Variants in RASGEF1B observed in about 807,000 individuals in gnomAD.
RASGEF1B encodes the protein RasGEF domain family member 1B.
In RASGEF1B, 30 loss-of-function variants were observed where a neutral mutation model predicts 65.7. That is an observed-to-expected ratio of 0.46 (90% confidence interval 0.34 to 0.62). RASGEF1B has a LOEUF of 0.62. RASGEF1B is among the 20% of genes least tolerant of loss of function. The pLI, the probability that RASGEF1B is intolerant of heterozygous loss-of-function variation, is 0.01. For synonymous variants in RASGEF1B, 175 were observed against 194.8 expected, an observed-to-expected ratio of 0.90 and a Z score of 0.85; for missense variants, 495 against 580.1, an observed-to-expected ratio of 0.85 and a Z score of 1.51.
chr4:81,456,082 A>G (rs2109989195), intron 4 of RASGEF1B: 1 of 165,390 alleles, frequency 6.0e-6, no homozygotes, highest in South Asian at 1.9e-4. Context: ...CTTTTCTGAC[A>G]GTGAATATTA....
At chr4:81,442,410 A>C in intron 8 of RASGEF1B, 34 bp from the exon 9 acceptor site, 1 of 1,244,772 alleles carries the variant, frequency 8.0e-7, no homozygotes, top group Non-Finnish European at 1.2e-6. Flanking sequence ...AGAAAAAAGG[A>C]AAATTGAAAG....
chr4:81,459,248 C>T (rs2109992186), intron 2 of RASGEF1B, 84 bp downstream of exon 2: 2 of 995,926 alleles, frequency 2.0e-6, no homozygotes, highest in East Asian at 2.7e-5. Context: ...AGATATAATT[C>T]TGTATTATCT....
At chr4:81,446,878 C>T (rs565173643) in intron 6 of RASGEF1B, among the ~76,000 whole-genome samples, 1 of 152,242 alleles carries the variant, frequency 6.6e-6, no homozygotes, top group Non-Finnish European at 1.5e-5. Flanking sequence ...GTTGCCCCCA[C>T]TCTCAGAAGG....
chr4:81,451,798 C>T (rs962505483), intron 4 of RASGEF1B: 1 of 152,232 alleles, frequency 6.6e-6, no homozygotes, highest in African/African-American at 2.4e-5. Flanking sequence ...TTCTATGCCT[C>T]AGCTGCTATT....
chr4:81,459,331 C>T lies in RASGEF1B; in HGVS notation c.177+1G>A, dbSNP rs1294082816. ...TGTTTCAGAGAAACATGAATACCTA[C>T]ATCTGGATAGTAATCCACATTAGGT... On this transcript the variant is annotated splice_donor_variant, in intron 2 of 13. Coordinates refer to ENST00000264400, the MANE Select transcript of RASGEF1B (RefSeq NM_152545.3). LOFTEE classifies it high-confidence loss of function. The T allele has an allele frequency of 6.3e-7, 1 of 1,583,274 alleles. No individual in the cohort carries two copies. Among genetic ancestry groups the T allele is most frequent in the East Asian group, 2.2e-5 (1 of 44,552 alleles).
chr4:81,442,963 G>A (rs1047859305), intron 8 of RASGEF1B, among the ~76,000 whole-genome samples: 8 of 152,226 alleles, frequency 5.3e-5, no homozygotes, highest in Non-Finnish European at 7.3e-5. Flanking sequence ...CACGCTTTGC[G>A]TGTACTATCT....
At chr4:81,466,498 G>A (rs1365358593) in intron 1 of RASGEF1B, among the ~76,000 whole-genome samples, 3 of 151,932 alleles carry the variant, frequency 2.0e-5, no homozygotes, top group Non-Finnish European at 4.4e-5. Flanking sequence ...GGTGGCTCAC[G>A]CCTGTAATCC....
chr4:81,456,595 C>A, intron 4 of RASGEF1B, 56 bp downstream of exon 4: 1 of 1,600,924 alleles, frequency 6.2e-7, no homozygotes, highest in Non-Finnish European at 8.5e-7. Context: ...GGCACCATTT[C>A]CCACCCAGGC....
At chr4:81,455,196 G>T in intron 4 of RASGEF1B, 1 of 152,340 alleles carries the variant, frequency 6.6e-6, no homozygotes, top group South Asian at 2.1e-4. Context: ...CAGCACTTTG[G>T]GAGGCCAAGG....
chr4:81,445,911 A>G (rs1722006953), intron 6 of RASGEF1B, 73 bp from the exon 7 acceptor site: 2 of 1,097,912 alleles, frequency 1.8e-6, no homozygotes, highest in South Asian at 2.7e-5. Flanking sequence ...TTTGTGAAAT[A>G]CGAGCCTTTA....
chr4:81,471,391 C>T (rs927349089), intron 1 of RASGEF1B, among the ~76,000 whole-genome samples: 8 of 152,216 alleles, frequency 5.3e-5, no homozygotes, highest in African/African-American at 1.9e-4. Context: ...AGACAGAAGG[C>T]CTGGCTGCAG....
rs1553947087 is a variant in RASGEF1B at position 81,466,770 on chromosome 4, AAAAGAAAGAAAG to A, written c.-7+4988_-7+4999del. On this transcript the variant is annotated intron_variant, in intron 1 of 13. Transcript: ENST00000264400. ...CAAGCCTCCATGTCAAAAAAAAAAA[AAAAGAAAGAAAG>A]AAAGAAAGAAAGAAAGAAAGAAAGA... is the stretch of plus-strand genomic sequence containing the variant. Among the ~76,000 whole-genome samples the A allele has an allele frequency of 8.6e-3, 312 of 36,084 alleles. 3 individuals are homozygous for A. Among genetic ancestry groups the A allele is most frequent in the African/African-American group, 0.025 (268 of 10,524 alleles). 23.7% of individuals were successfully genotyped at this position (36,084 alleles called of 152,430 possible). A position where few individuals can be genotyped will look rare whatever the true frequency, so the allele number is the denominator to read the frequency against.
At chr4:81,433,810 C>T (rs776496919) in intron 12 of RASGEF1B, 30 bp downstream of exon 12, 1 of 1,607,140 alleles carries the variant, frequency 6.2e-7, no homozygotes, top group Admixed American at 1.7e-5. Context: ...TTTGGGGATG[C>T]TAGTGGTAGC....
chr4:81,430,802 G>C (rs1172494295), intron 13 of RASGEF1B, among the ~76,000 whole-genome samples: 1 of 152,178 alleles, frequency 6.6e-6, no homozygotes, highest in Non-Finnish European at 1.5e-5. Flanking sequence ...CTAACCATTA[G>C]TTAATATGTC....
At chr4:81,439,883 C>T (rs920480585) in intron 10 of RASGEF1B, among the ~76,000 whole-genome samples, 1 of 152,134 alleles carries the variant, frequency 6.6e-6, no homozygotes, top group Non-Finnish European at 1.5e-5. Context: ...TTACAATATC[C>T]TTCAAACATT....
chr4:81,456,272 T>A, intron 4 of RASGEF1B: 1 of 551,228 alleles, frequency 1.8e-6, no homozygotes, highest in Non-Finnish European at 3.2e-6. Flanking sequence ...AATAATGTTA[T>A]TTACTTTGTA....
chr4:81,469,809 C>T (rs141089577), intron 1 of RASGEF1B, among the ~76,000 whole-genome samples: 3 of 152,192 alleles, frequency 2.0e-5, no homozygotes, highest in Non-Finnish European at 4.4e-5. Context: ...GATAAAATAT[C>T]CAGTGGAGCA....
chr4:81,443,143 A>C (rs1280038221), intron 8 of RASGEF1B, among the ~76,000 whole-genome samples: 2 of 152,244 alleles, frequency 1.3e-5, no homozygotes, highest in Non-Finnish European at 2.9e-5. Context: ...ATGATACTTT[A>C]CGTACTATAA....
intron 10 of RASGEF1B, among the ~76,000 whole-genome samples, chr4:81,436,680 TTAAGTTCCC>T (rs1227044690): frequency 6.6e-6 from 1 of 152,344 alleles, no homozygotes; most frequent in East Asian, 1.9e-4. Context: ...GTCAGATCTT[TTAAGTTCCC>T]TAAGCTTATG....
Sources: gnomAD v4.1 joint callset for allele counts (sites outside exome capture counted in the v4.1 genomes callset) on GRCh38, gnomAD v4.1.1 for gene constraint, MANE v1.5 for transcripts, NCBI Gene and HGNC (gene_info 2026-07-23, HGNC 2026-07-21) for gene names.